FAM135A: variants seen among roughly 807,000 people sequenced by gnomAD.
FAM135A encodes the protein family with sequence similarity 135 member A, also known as protein FAM135A.
FAM135A carries 79 observed loss-of-function variants against 146.8 expected under a neutral mutation model. The observed-to-expected ratio is 0.54, with a 90% CI of 0.45 to 0.65. The LOEUF is 0.65. Ranked by LOEUF, FAM135A falls within the 30% of genes least tolerant of loss-of-function variation. The probability of loss-of-function intolerance (pLI) is 0.00; values close to 1 mark genes in which losing one functional copy is unlikely to be tolerated. For missense variants in FAM135A, 1,623 were observed against 1,758.2 expected, an observed-to-expected ratio of 0.92 and a Z score of 1.38; for synonymous variants, 562 against 603.6, an observed-to-expected ratio of 0.93 and a Z score of 1.01.
chr6:70,480,433 A>G (rs2128177029), intron 8 of FAM135A, among the ~76,000 whole-genome samples: 1 of 152,320 alleles, frequency 6.6e-6, no homozygotes, highest in Non-Finnish European at 1.5e-5. Flanking sequence ...AGGGAAATAA[A>G]TTTATTTTTG....
At chr6:70,544,738 CA>C (rs1582875145) in intron 20 of FAM135A, among the ~76,000 whole-genome samples, 2 of 148,256 alleles carry the variant, frequency 1.3e-5, no homozygotes, top group East Asian at 3.9e-4. Context: ...GACTTTGTCT[CA>C]AAAACTTAAA....
At chr6:70,436,997 A>T (rs1773317391) in intron 4 of FAM135A, among the ~76,000 whole-genome samples, 1 of 152,232 alleles carries the variant, frequency 6.6e-6, no homozygotes, top group Non-Finnish European at 1.5e-5. Flanking sequence ...AAATCAAAAC[A>T]TAAATGACAT....
chr6:70,496,218 A>G (rs1787208051), intron 11 of FAM135A, among the ~76,000 whole-genome samples: 2 of 151,848 alleles, frequency 1.3e-5, no homozygotes, highest in Non-Finnish European at 2.9e-5. Context: ...GCCACAGTCT[A>G]TCTCATTGTG....
intron 20 of FAM135A, among the ~76,000 whole-genome samples, chr6:70,543,407 C>A (rs1798280970): frequency 6.6e-6 from 1 of 152,036 alleles, no homozygotes. Context: ...AAATGTTGTT[C>A]TTAATATGAG....
chr6:70,534,253 TG>T (rs1796362850), intron 18 of FAM135A, among the ~76,000 whole-genome samples: 2 of 50,946 alleles, frequency 3.9e-5, no homozygotes, highest in African/African-American at 3.0e-4. Context: ...TATATGTATA[TG>T]ATATATGTAT....
At chr6:70,478,994 T>C (rs758020714) in intron 8 of FAM135A, among the ~76,000 whole-genome samples, 2 of 152,190 alleles carry the variant, frequency 1.3e-5, no homozygotes, top group Non-Finnish European at 2.9e-5. Context: ...TTGGTTTTAA[T>C]GCTAAATGTT....
At chr6:70,498,290 A>G (rs1787767007) in intron 11 of FAM135A, among the ~76,000 whole-genome samples, 1 of 152,092 alleles carries the variant, frequency 6.6e-6, no homozygotes, top group East Asian at 1.9e-4. Context: ...CTCTGATGGT[A>G]GTTTGTATTT....
chr6:70,465,391 T>A (rs4432950), intron 5 of FAM135A, among the ~76,000 whole-genome samples: 69 of 152,218 alleles, frequency 4.5e-4, no homozygotes, highest in Non-Finnish European at 7.1e-4. Flanking sequence ...TACCTAGAAG[T>A]GAGATGCTGG....
At chr6:70,455,862 AT>A (rs965304252) in intron 5 of FAM135A, among the ~76,000 whole-genome samples, 3 of 151,950 alleles carry the variant, frequency 2.0e-5, no homozygotes, top group African/African-American at 4.8e-5. Flanking sequence ...ATATTAATTC[AT>A]TTTTTTTGAA....
At chr6:70,548,061 A>C (rs979879138) in intron 20 of FAM135A, among the ~76,000 whole-genome samples, 9 of 152,202 alleles carry the variant, frequency 5.9e-5, no homozygotes, top group African/African-American at 2.2e-4. Context: ...TAGACTTCAG[A>C]CATTTTTGTT....
At chr6:70,427,808 TTCTC>T (rs1403810938) in intron 3 of FAM135A, among the ~76,000 whole-genome samples, 2 of 152,326 alleles carry the variant, frequency 1.3e-5, no homozygotes, top group Non-Finnish European at 2.9e-5. Flanking sequence ...AAAAATCTCT[TTCTC>T]TTTAAATTTA....
rs769798886 is a variant in FAM135A at position 70,452,568 on chromosome 6, A to T, written c.154A>T (p.Thr52Ser). 1.9e-6 allele frequency: 3 copies of T among 1,576,006 alleles called. No individual in the cohort carries two copies. The highest frequency in any genetic ancestry group is 2.6e-6 in the Non-Finnish European group (3 of 1,168,040). The change falls in exon 5 of 22, where the codon ACA becomes TCA. Residue 52 changes from threonine (T) to serine (S), a missense_variant. Thr to Ser is a moderately conservative substitution (Grantham distance 58, BLOSUM62 1). Around this residue, in one of 7 missense-constraint regions of FAM135A, gnomAD observed 171 missense variants for 164.9 expected, o/e 1.04. Transcript: ENST00000418814. ...AGTAGAAGCTAGTTTGTTGCATGCA[A>T]CAGGTAAGCCAAAGAATACATTCAA... ...HRVEASLLHA[T>S]GMTLAFPASV...
At chr6:70,418,479 G>T (rs1768029869) in intron 2 of FAM135A, 1 of 152,354 alleles carries the variant, frequency 6.6e-6, no homozygotes, top group Non-Finnish European at 1.5e-5. Context: ...ACAGGCCCGT[G>T]CCATCACACC....
intron 12 of FAM135A, among the ~76,000 whole-genome samples, chr6:70,508,414 T>G (rs1582637616): frequency 6.6e-6 from 1 of 152,240 alleles, no homozygotes; most frequent in Non-Finnish European, 1.5e-5. Context: ...TGATCTTTAT[T>G]GCTAGTGCTT....
chr6:70,527,536 G>A (rs1561982728), intron 15 of FAM135A, among the ~76,000 whole-genome samples: 1 of 152,074 alleles, frequency 6.6e-6, no homozygotes, highest in African/African-American at 2.4e-5. Flanking sequence ...ACTTCAGATT[G>A]TCTGAGTCAT....
At chr6:70,415,819 C>T (rs1767430099) in intron 2 of FAM135A, among the ~76,000 whole-genome samples, 1 of 152,056 alleles carries the variant, frequency 6.6e-6, no homozygotes, top group Admixed American at 6.5e-5. Flanking sequence ...CTTATGATGA[C>T]TCATGACATT....
intron 13 of FAM135A, among the ~76,000 whole-genome samples, chr6:70,523,371 G>T (rs759612417): frequency 7.2e-5 from 11 of 152,148 alleles, no homozygotes; most frequent in Non-Finnish European, 1.5e-4. Context: ...AGTGAGTGCT[G>T]ATAGAAAGGG....
intron 4 of FAM135A, among the ~76,000 whole-genome samples, chr6:70,446,324 TAGTAGGAACTCTTG>T (rs1775741306): frequency 6.6e-6 from 1 of 152,202 alleles, no homozygotes; most frequent in African/African-American, 2.4e-5. Context: ...TAATTCCAGA[TAGTAGGAACTCTTG>T]CTGTACTTCT....
intron 12 of FAM135A, among the ~76,000 whole-genome samples, chr6:70,510,377 A>G (rs192347086): frequency 1.3e-5 from 2 of 152,072 alleles, no homozygotes; most frequent in Admixed American, 1.3e-4. Flanking sequence ...TTGTGTAACC[A>G]TCACCTCTGT....
Sources: gnomAD v4.1 joint callset for allele counts (sites outside exome capture counted in the v4.1 genomes callset) on GRCh38, gnomAD v4.1.1 for gene constraint, gnomAD v4.1.1 regional missense constraint, MANE v1.5 for transcripts, NCBI Gene and HGNC (gene_info 2026-07-23, HGNC 2026-07-21) for gene names.